The following SDK1 variants were observed in gnomAD, a reference collection of about 807,000 sequenced individuals.
SDK1 encodes the protein sidekick cell adhesion molecule 1, also known as protein sidekick-1.
SDK1 carries 157 observed loss-of-function variants against 245.5 expected under a neutral mutation model. That is an observed-to-expected ratio of 0.64 (90% confidence interval 0.56 to 0.73). The LOEUF (loss-of-function observed/expected upper bound fraction) is 0.73. SDK1 is among the 30% of genes least tolerant of loss of function. SDK1 has a pLI of 0.00. For synonymous variants in SDK1, 1,647 were observed against 1,278.5 expected (o/e 1.29, Z -6.15); for missense variants, 3,583 against 3,002.3 (o/e 1.19, Z -4.52).
At position 3,581,195 on chromosome 7, in the gene SDK1, T is replaced by C. The variant is rs1780476685; in HGVS notation, c.299-37885T>C. Among the ~76,000 whole-genome samples, 5 of 152,058 alleles carry C rather than the reference T, an allele frequency of 3.3e-5. No homozygotes were observed. In the South Asian group the frequency reaches 1.0e-3, roughly 32 times the overall value. ...AGACAATCTGTAGAATAGGAGAAAA[T>C]ATTGGCTAACTATGTATCTGACAAA... On this transcript the variant is annotated intron_variant, in intron 1 of 44. Coordinates refer to ENST00000404826, the MANE Select transcript of SDK1 (RefSeq NM_152744.4).
intron 1 of SDK1, among the ~76,000 whole-genome samples, chr7:3,586,064 G>C (rs1312254101): frequency 2.6e-5 from 4 of 152,112 alleles, no homozygotes; most frequent in African/African-American, 7.2e-5. Flanking sequence ...AAGAGGAATT[G>C]CCTTTGATGG....
chr7:3,987,362 A>C (rs779963558), intron 14 of SDK1, 40 bp downstream of exon 14: 14 of 1,606,808 alleles, frequency 8.7e-6, no homozygotes, highest in Middle Eastern at 1.8e-4. Flanking sequence ...GACGATAATC[A>C]GATTTTTGTG....
chr7:3,473,422 C>T (rs553864769), intron 1 of SDK1, among the ~76,000 whole-genome samples: 1 of 152,196 alleles, frequency 6.6e-6, no homozygotes, highest in African/African-American at 2.4e-5. Flanking sequence ...TTCAATAATC[C>T]TTGTAGATGT....
chr7:3,460,122 G>T (rs1313604833), intron 1 of SDK1, among the ~76,000 whole-genome samples: 2 of 152,038 alleles, frequency 1.3e-5, no homozygotes, highest in Non-Finnish European at 2.9e-5. Context: ...ATAAACTATT[G>T]CTTCCTGAAG....
chr7:3,362,712 G>C (rs1780986128), intron 1 of SDK1, among the ~76,000 whole-genome samples: 1 of 152,116 alleles, frequency 6.6e-6, no homozygotes, highest in African/African-American at 2.4e-5. Context: ...AATATGTATT[G>C]ATAATTAAAT....
At chr7:4,114,417 T>G in intron 25 of SDK1, 143 bp downstream of exon 25, 1 of 669,284 alleles carries the variant, frequency 1.5e-6, no homozygotes, top group Non-Finnish European at 2.5e-6. Context: ...ATCCCGGGTT[T>G]GGCCAGACTC....
rs1260253879 is a variant in SDK1, at chr7:3,311,034, G to A, written c.298+9150G>A. Reference sequence around the variant, plus strand: ...TTATTCTTTTGTGTAGAGGAATCCTGCCTTATTTATCTTTTCTTTTCCTGT... The same window carrying A: ...TTATTCTTTTGTGTAGAGGAATCCTACCTTATTTATCTTTTCTTTTCCTGT... On this transcript the variant is annotated intron_variant, in intron 1 of 44. Coordinates refer to ENST00000404826, the MANE Select transcript of SDK1 (RefSeq NM_152744.4). Among the ~76,000 whole-genome samples the A allele has an allele frequency of 2.0e-5, 3 of 152,094 alleles. No individual in the cohort carries two copies. In the East Asian group the frequency reaches 5.8e-4, roughly 29 times the overall value.
At chr7:4,121,896 G>T (rs1784087090) in intron 25 of SDK1, among the ~76,000 whole-genome samples, 1 of 152,058 alleles carries the variant, frequency 6.6e-6, no homozygotes, top group African/African-American at 2.4e-5. Context: ...AACACATATT[G>T]CTCTGGGAAA....
At chr7:4,083,257 C>G (rs1282930071) in intron 22 of SDK1, among the ~76,000 whole-genome samples, 3 of 152,048 alleles carry the variant, frequency 2.0e-5, no homozygotes, top group Admixed American at 6.5e-5. Flanking sequence ...CCCCCACTAT[C>G]CCTCCCTACC....
intron 1 of SDK1, among the ~76,000 whole-genome samples, chr7:3,329,722 T>TG: frequency 6.6e-6 from 1 of 152,212 alleles, no homozygotes; most frequent in Non-Finnish European, 1.5e-5. Flanking sequence ...TCTGCATTGG[T>TG]GCATTCTACA....
chr7:3,962,132 T>A (rs926136833), intron 8 of SDK1, among the ~76,000 whole-genome samples: 1 of 152,164 alleles, frequency 6.6e-6, no homozygotes, highest in African/African-American at 2.4e-5. Context: ...ATCTTCAACC[T>A]TCTGAAGTCA....
chr7:4,109,733 A>T (rs1468260119), intron 22 of SDK1, among the ~76,000 whole-genome samples: 1 of 152,190 alleles, frequency 6.6e-6, no homozygotes, highest in Non-Finnish European at 1.5e-5. Flanking sequence ...GTGTGGCACC[A>T]TCAAGGGGGA....
intron 4 of SDK1, among the ~76,000 whole-genome samples, chr7:3,792,163 C>G (rs1252645408): frequency 6.6e-6 from 1 of 152,026 alleles, no homozygotes; most frequent in Non-Finnish European, 1.5e-5. Context: ...AAAACCCTTG[C>G]ATTAACCTTA....
intron 13 of SDK1, among the ~76,000 whole-genome samples, chr7:3,981,153 A>G (rs142225554): frequency 3.3e-4 from 51 of 152,256 alleles, no homozygotes; most frequent in African/African-American, 8.7e-4. Context: ...AATTCTCACA[A>G]TGTTTCAAAC....
intron 17 of SDK1, among the ~76,000 whole-genome samples, chr7:4,021,199 G>C (rs953682694): frequency 1.3e-5 from 2 of 152,158 alleles, no homozygotes; most frequent in African/African-American, 4.8e-5. Context: ...CTGGAGGTGA[G>C]ACTGTCATTC....
intron 5 of SDK1, among the ~76,000 whole-genome samples, chr7:3,853,218 A>G (rs1387899354): frequency 1.3e-5 from 2 of 152,150 alleles, no homozygotes; most frequent in African/African-American, 4.8e-5. Context: ...TTCCATTGCA[A>G]AGATGGAAAG....
chr7:3,625,085 C>T (rs1256013513), intron 2 of SDK1, among the ~76,000 whole-genome samples: 7 of 151,944 alleles, frequency 4.6e-5, no homozygotes, highest in African/African-American at 1.7e-4. Flanking sequence ...AGTTCTCAAA[C>T]CAATGCTAAA....
chr7:3,867,259 G>C (rs1018682073), intron 5 of SDK1, among the ~76,000 whole-genome samples: 1 of 152,300 alleles, frequency 6.6e-6, no homozygotes, highest in Admixed American at 6.5e-5. Flanking sequence ...CCTAACACAG[G>C]AGAGAGAAAG....
chr7:4,233,446 T>G (rs200436557), intron 41 of SDK1, 27 bp downstream of exon 41: 46 of 1,602,738 alleles, frequency 2.9e-5, no homozygotes, highest in East Asian at 1.3e-4. Context: ...AGGTCTGTCT[T>G]CTTCTGGAGG....
Sources: allele counts gnomAD v4.1 joint callset (sites outside exome capture counted in the v4.1 genomes callset), GRCh38; gene constraint gnomAD v4.1.1; transcripts MANE v1.5; gene names NCBI Gene and HGNC (gene_info 2026-07-23, HGNC 2026-07-21).